The following PALS2 variants were observed in gnomAD, a reference collection of about 807,000 sequenced individuals.
PALS2 encodes the protein protein associated with LIN7 2, MAGUK p55 family member, also known as protein PALS2.
PALS2 carries 27 observed loss-of-function variants against 61.6 expected under a neutral mutation model. The observed-to-expected ratio is 0.44, with a 90% CI of 0.32 to 0.60. The LOEUF is 0.60. PALS2 is among the 20% of genes least tolerant of loss of function. The pLI is 0.05. For synonymous variants in PALS2, 236 were observed against 218.6 expected (o/e 1.08, Z -0.70); for missense variants, 554 against 639.4 (o/e 0.87, Z 1.44).
At chr7:24,638,126 T>C (rs1287020704) in intron 2 of PALS2, among the ~76,000 whole-genome samples, 1 of 151,938 alleles carries the variant, frequency 6.6e-6, no homozygotes, top group African/African-American at 2.4e-5. Flanking sequence ...TTAAAGTGAA[T>C]TAGAGGTTCC....
chr7:24,577,775 A>G (rs1782693312), intron 1 of PALS2, among the ~76,000 whole-genome samples: 1 of 152,074 alleles, frequency 6.6e-6, no homozygotes, highest in African/African-American at 2.4e-5. Flanking sequence ...CTACCTAACC[A>G]TCCTTCCAGA....
At chr7:24,584,688 T>G (rs1202584016) in intron 1 of PALS2, among the ~76,000 whole-genome samples, 2 of 152,112 alleles carry the variant, frequency 1.3e-5, no homozygotes, top group Non-Finnish European at 2.9e-5. Context: ...TTGTCAATTT[T>G]GTCTTTTGTT....
At chr7:24,613,921 T>C (rs1562614776) in intron 1 of PALS2, among the ~76,000 whole-genome samples, 1 of 151,990 alleles carries the variant, frequency 6.6e-6, no homozygotes, top group African/African-American at 2.4e-5. Flanking sequence ...AGGATTTTAT[T>C]CCTTTTTATG....
chr7:24,681,312 C>T (rs373751870), intron 11 of PALS2, among the ~76,000 whole-genome samples: 20 of 152,064 alleles, frequency 1.3e-4, no homozygotes, highest in African/African-American at 4.6e-4. Context: ...CTTCAATAAT[C>T]GTGGCAATTT....
chr7:24,626,722 G>C (rs1290860589), intron 2 of PALS2, among the ~76,000 whole-genome samples: 13 of 151,966 alleles, frequency 8.6e-5, no homozygotes, highest in African/African-American at 2.9e-4. Context: ...AAGGGATTGC[G>C]ATCCTAATCT....
intron 5 of PALS2, among the ~76,000 whole-genome samples, chr7:24,658,476 T>C (rs1370069737): frequency 6.6e-6 from 1 of 152,218 alleles, no homozygotes; most frequent in Admixed American, 6.5e-5. Context: ...TTGGCCATTT[T>C]GATTGGCTGC....
In PALS2 at chr7:24,687,884, G is replaced by C. The variant is rs1004826002; in HGVS notation, c.*270G>C. ...ATAAAGAAATGCGTTGAAGCATTTTGTATATGTTTTGATTTAGTACCCTTG... is the reference window on the plus strand; with the variant it reads ...ATAAAGAAATGCGTTGAAGCATTTTCTATATGTTTTGATTTAGTACCCTTG... On this transcript the variant is annotated 3_prime_UTR_variant, in exon 12 of 12. Coordinates refer to ENST00000222644, the MANE Select transcript of PALS2 (RefSeq NM_001303037.2). The surrounding 1 kb of genome is among the most constrained non-coding windows in gnomAD (Gnocchi z 4.5). 8 of 258,980 alleles carry C rather than the reference G, an allele frequency of 3.1e-5. No homozygotes were observed. Among genetic ancestry groups the C allele is most frequent in the Non-Finnish European group, 5.7e-5 (8 of 139,714 alleles). The allele number at this position is 258,980 out of a possible 1,614,324, so 16.0% of individuals were successfully genotyped here.
rs1786972464 is a variant in PALS2 at position 24,665,573 on chromosome 7, T to C, written c.784-15T>C. The C allele has an allele frequency of 1.9e-6, 3 of 1,611,650 alleles. No individual in the cohort carries two copies. Among genetic ancestry groups the C allele is most frequent in the East Asian group, 2.2e-5 (1 of 44,840 alleles). The stretch of plus-strand genomic sequence containing the variant: ...TTTGGTCACTGAGATGTACAATTCA[T>C]TAATTTGATTCTAGGCTAGCCATGT... On this transcript the variant is annotated splice_polypyrimidine_tract_variant and intron_variant, in intron 6 of 11. Transcript: ENST00000222644.
intron 2 of PALS2, among the ~76,000 whole-genome samples, chr7:24,633,268 C>T (rs1441419975): frequency 6.8e-6 from 1 of 147,580 alleles, no homozygotes; most frequent in Admixed American, 6.8e-5. Context: ...AACAAATATT[C>T]TCAATTTTTG....
At chr7:24,650,385 A>T in intron 4 of PALS2, 100 bp from the exon 5 acceptor site, 1 of 989,100 alleles carries the variant, frequency 1.0e-6, no homozygotes, top group Non-Finnish European at 1.5e-6. Context: ...AGAATGATTC[A>T]TTTTACCTAG....
At chr7:24,590,699 A>C (rs1016941099) in intron 1 of PALS2, among the ~76,000 whole-genome samples, 3 of 152,006 alleles carry the variant, frequency 2.0e-5, no homozygotes, top group African/African-American at 7.2e-5. Flanking sequence ...TGCATTTTTC[A>C]TCTTGAACAG....
chr7:24,622,683 C>CTTTTTTTTTTTTTTTTTT (rs70942815), intron 1 of PALS2, among the ~76,000 whole-genome samples: 4 of 135,696 alleles, frequency 2.9e-5, no homozygotes, highest in Admixed American at 7.4e-5. Flanking sequence ...TTTCTTTTTT[C>CTTTTTTTTTTTTTTTTTT]TTTTTTTTTT....
intron 11 of PALS2, among the ~76,000 whole-genome samples, chr7:24,681,218 T>C (rs1194758263): frequency 6.6e-6 from 1 of 152,154 alleles, no homozygotes; most frequent in Admixed American, 6.6e-5. Flanking sequence ...TTTTCCTTTT[T>C]TTCCTGTCTA....
chr7:24,615,357 TCAA>T (rs1164069532), intron 1 of PALS2, among the ~76,000 whole-genome samples: 1 of 149,906 alleles, frequency 6.7e-6, no homozygotes, highest in African/African-American at 2.5e-5. Context: ...AAAGATAAAA[TCAA>T]CAAGAAAAAA....
At chr7:24,653,767 ATGG>A (rs1786279392) in intron 5 of PALS2, among the ~76,000 whole-genome samples, 1 of 152,216 alleles carries the variant, frequency 6.6e-6, no homozygotes, top group Admixed American at 6.5e-5. Context: ...AAACCAAGGA[ATGG>A]TGATCTTCAT....
At chr7:24,607,235 A>G (rs1180031405) in intron 1 of PALS2, among the ~76,000 whole-genome samples, 1 of 152,018 alleles carries the variant, frequency 6.6e-6, no homozygotes, top group Admixed American at 6.6e-5. Flanking sequence ...CTATTTAATC[A>G]CTCCTTTTGC....
At chr7:24,609,566 T>C (rs181042014) in intron 1 of PALS2, among the ~76,000 whole-genome samples, 5 of 152,164 alleles carry the variant, frequency 3.3e-5, no homozygotes, top group African/African-American at 1.2e-4. Context: ...AAAAGGAATT[T>C]TTTTCTCCCT....
chr7:24,612,869 C>T (rs1314301459), intron 1 of PALS2, among the ~76,000 whole-genome samples: 2 of 151,752 alleles, frequency 1.3e-5, no homozygotes, highest in East Asian at 3.9e-4. Context: ...TCGTAGTGGG[C>T]ATTCTTGTCT....
At chr7:24,682,948 A>G (rs1788010351) in intron 11 of PALS2, among the ~76,000 whole-genome samples, 1 of 152,072 alleles carries the variant, frequency 6.6e-6, no homozygotes, top group South Asian at 2.1e-4. Context: ...CAGGTTATTC[A>G]GGTTTTTGGT....
Sources: gnomAD v4.1 joint callset for allele counts (sites outside exome capture counted in the v4.1 genomes callset) on GRCh38, gnomAD v4.1.1 for gene constraint, Gnocchi (gnomAD v3.1) non-coding constraint, MANE v1.5 for transcripts, NCBI Gene and HGNC (gene_info 2026-07-23, HGNC 2026-07-21) for gene names.